ZNF526: variants seen among roughly 807,000 people sequenced by gnomAD.
ZNF526 encodes zinc finger protein 526.
A neutral mutation model predicts 32.4 loss-of-function variants in ZNF526; 16 were observed. The ratio of observed to expected loss-of-function variants is 0.49; its 90% CI spans 0.33 to 0.75. The LOEUF (loss-of-function observed/expected upper bound fraction) is 0.75, where lower values mean the gene tolerates loss of function less well. ZNF526 is among the 30% of genes least tolerant of loss of function. ZNF526 has a pLI of 0.02. For missense variants in ZNF526, 838 were observed against 920.7 expected (o/e 0.91, Z 1.16); for synonymous variants, 355 against 363.4 (o/e 0.98, Z 0.26).
At position 42,225,457 on chromosome 19, in the gene ZNF526, C is replaced by T. The variant is rs925921969; in HGVS notation, c.1054C>T (p.Arg352Trp). The stretch of plus-strand genomic sequence containing the variant: ...AGCAGCATCGCTTGAGCAGCACTTG[C>T]GGCTGCATCGCGGGGAAGCCCGCTA... ...KKAASLEQHLRLHRGEARYLC... is the reference protein window; with the variant it reads ...KKAASLEQHLWLHRGEARYLC... Residue 352 changes from arginine (R) to tryptophan (W), a missense_variant, in exon 3 of 3, where the codon CGG becomes TGG. Arg to Trp is a moderately radical substitution (Grantham distance 101, BLOSUM62 -3). Coordinates refer to ENST00000301215, the MANE Select transcript of ZNF526 (RefSeq NM_133444.3). 7.4e-6 allele frequency: 12 copies of T among 1,614,044 alleles called. No homozygotes were observed. Among genetic ancestry groups the T allele is most frequent in the East Asian group, 2.2e-5 (1 of 44,904 alleles).
chr19:42,223,600 C>T (rs2036142530), intron 1 of ZNF526, among the ~76,000 whole-genome samples: 1 of 152,008 alleles, frequency 6.6e-6, no homozygotes, highest in Non-Finnish European at 1.5e-5. Flanking sequence ...GAGATTGCAC[C>T]ACTGCACTCC....
chr19:42,223,815 CAAAAAAAAAAAAAA>C (rs962041845), intron 1 of ZNF526, among the ~76,000 whole-genome samples: 1 of 32,926 alleles, frequency 3.0e-5, no homozygotes, highest in South Asian at 1.3e-3. Context: ...GAGTCCATCT[CAAAAAAAAAAAAAA>C]AAAAAAAAAG....
Position 42,225,264 on chromosome 19 carries a change from T to C in ZNF526, c.861T>C (p.Ala287=). The C allele has an allele frequency of 6.2e-7, 1 of 1,613,534 alleles. No individual in the cohort carries two copies. The highest frequency in any genetic ancestry group is 8.5e-7 in the Non-Finnish European group (1 of 1,179,644). The stretch of plus-strand genomic sequence containing the variant: ...CCCAGCACCAGCCCTCAGCAGGGGC[T>C]CGCCGGCAACACCGGCGGACGGCTC... ...DCPQHQPSAG[A]RRQHRRTAHS... is the part of the protein sequence containing the mutation. Residue 287 remains alanine (A), a synonymous_variant, in exon 3 of 3, where the codon GCT becomes GCC. Transcript: ENST00000301215.
In ZNF526 at chr19:42,224,374, C is replaced by T. The variant is rs200040424; in HGVS notation, c.-17-13C>T. ...TCCTGCTGTCTCACTGGCTCCTGCC[C>T]CTCTTTCTCCAGGCACTGCCTTCCC... On this transcript the variant is annotated splice_polypyrimidine_tract_variant and intron_variant, in intron 2 of 2. Transcript: ENST00000301215. The T allele has an allele frequency of 1.3e-4, 216 of 1,607,430 alleles. 1 individual carries two copies. Among genetic ancestry groups the T allele is most frequent in the Non-Finnish European group, 1.7e-4 (203 of 1,174,130 alleles).
Position 42,225,005 on chromosome 19 carries a change from A to C in ZNF526, c.602A>C (p.Glu201Ala). ...AAGATGGAGCCCTATGAGTGTCCTGAGTGCTCTACCCTCTGCGCCACCCCT... is the reference window on the plus strand; with the variant it reads ...AAGATGGAGCCCTATGAGTGTCCTGCGTGCTCTACCCTCTGCGCCACCCCT... ...EVKMEPYECPECSTLCATPEE... is the reference protein window; with the variant it reads ...EVKMEPYECPACSTLCATPEE... The change falls in exon 3 of 3, where the codon GAG (glutamate) becomes GCG (alanine). Residue 201 changes from glutamate (E) to alanine (A), a missense_variant. Coordinates refer to ENST00000301215, the MANE Select transcript of ZNF526 (RefSeq NM_133444.3). 6.2e-7 allele frequency: 1 copy of C among 1,614,162 alleles called. No homozygotes were observed. The highest frequency in any genetic ancestry group is 8.5e-7 in the Non-Finnish European group (1 of 1,180,028).
chr19:42,224,431 G>A lies in ZNF526; in HGVS notation c.28G>A (p.Glu10Lys), dbSNP rs1344830824. 8.1e-6 allele frequency: 13 copies of A among 1,614,120 alleles called. No individual in the cohort carries two copies. Among genetic ancestry groups the A allele is most frequent in the East Asian group, 2.2e-5 (1 of 44,884 alleles). The change falls in exon 3 of 3, where the codon GAG becomes AAG. Residue 10 changes from glutamate (E) to lysine (K), a missense_variant. Transcript: ENST00000301215. ...GGCAGAGGTGGTGGCTGAGGTGGCC[G>A]AGATGCCAACACAGATGTCACCAGG... MAEVVAEVA[E>K]MPTQMSPGAV...
In ZNF526 at chr19:42,225,687, G is replaced by GCCCCCCCCCCCCCCCCCCC; in HGVS notation, c.1287_1288insCCCCCCCCCCCCCCCCCCC (p.Thr430ProfsTer46). On this transcript the variant is annotated frameshift_variant, in exon 3 of 3. Coordinates refer to ENST00000301215, the MANE Select transcript of ZNF526 (RefSeq NM_133444.3). LOFTEE classifies it high-confidence loss of function. ...CAACAGCTCCCCCAGCTCCAGCGGAGCCCACCCCTCCACCACCACCCCCTG... is the reference window on the plus strand; with the variant it reads ...CAACAGCTCCCCCAGCTCCAGCGGAGCCCCCCCCCCCCCCCCCCCCCCACCCCTCCACCACCACCCCCTG... The GCCCCCCCCCCCCCCCCCCC allele has an allele frequency of 6.2e-7, 1 of 1,610,644 alleles. No individual in the cohort carries two copies. Among genetic ancestry groups the GCCCCCCCCCCCCCCCCCCC allele is most frequent in the Non-Finnish European group, 8.5e-7 (1 of 1,178,352 alleles).
intron 1 of ZNF526, among the ~76,000 whole-genome samples, chr19:42,223,497 C>G (rs866578888): frequency 6.6e-6 from 1 of 152,046 alleles, no homozygotes; most frequent in Admixed American, 6.6e-5. Flanking sequence ...AAAAATTAGC[C>G]GGGCGTGGTT....
At chr19:42,223,550 A>G (rs1568461588) in intron 1 of ZNF526, among the ~76,000 whole-genome samples, 1 of 152,196 alleles carries the variant, frequency 6.6e-6, no homozygotes, top group Non-Finnish European at 1.5e-5. Flanking sequence ...CTGAGCCAGG[A>G]GAATGGCCTG....
In ZNF526 at chr19:42,225,991, T is replaced by A; in HGVS notation, c.1588T>A (p.Cys530Ser). 1 of 1,613,920 alleles carries A rather than the reference T, an allele frequency of 6.2e-7. No individual in the cohort carries two copies. The highest frequency in any genetic ancestry group is 8.5e-7 in the Non-Finnish European group (1 of 1,180,024). The part of the protein sequence containing the change: ...LTHTGARPYQ[C>S]LDCGKRFTQS... ...CCATACGGGTGCACGTCCCTACCAA[T>A]GCCTGGACTGTGGCAAGCGCTTCAC... Residue 530 changes from cysteine (C) to serine (S), a missense_variant, in exon 3 of 3, where the codon TGC becomes AGC. Cys to Ser is a moderately radical substitution (Grantham distance 112). Coordinates refer to ENST00000301215, the MANE Select transcript of ZNF526 (RefSeq NM_133444.3).
In ZNF526 at chr19:42,225,847, A is replaced by G. The variant is rs1455688275; in HGVS notation, c.1444A>G (p.Lys482Glu). Residue 482 changes from lysine (K) to glutamate (E), a missense_variant, in exon 3 of 3, where the codon AAG (lysine) becomes GAG (glutamate). Physicochemically the swap from Lys to Glu is moderately conservative, Grantham distance 56. Coordinates refer to ENST00000301215, the MANE Select transcript of ZNF526 (RefSeq NM_133444.3). ...CTGTGGGGTTTGTGGCAAGGGCTTCAAGAAGCTGATCCACGTGCGCAACCA... is the reference window on the plus strand; with the variant it reads ...CTGTGGGGTTTGTGGCAAGGGCTTCGAGAAGCTGATCCACGTGCGCAACCA... ...HRCGVCGKGF[K>E]KLIHVRNHLR... 6.2e-7 allele frequency: 1 copy of G among 1,614,042 alleles called. No homozygotes were observed. Among genetic ancestry groups the G allele is most frequent in the Non-Finnish European group, 8.5e-7 (1 of 1,180,042 alleles).
Position 42,226,159 on chromosome 19 carries a change from G to A in ZNF526, c.1756G>A (p.Ala586Thr), listed in dbSNP as rs1338930213. ...TTGTGGCCGCTGGTTCCGCGCCATG[G>A]CGGGCTTGCGACTGCATCAGCGGGT... is the stretch of plus-strand genomic sequence containing the variant. ...GTCGRWFRAM[A>T]GLRLHQRVHA... The change falls in exon 3 of 3, where the codon GCG (alanine) becomes ACG (threonine). Residue 586 changes from alanine to threonine, a missense_variant. Ala to Thr is a moderately conservative substitution (Grantham distance 58). Transcript: ENST00000301215. 1 of 1,607,440 alleles carries A rather than the reference G, an allele frequency of 6.2e-7. No homozygotes were observed. Among genetic ancestry groups the A allele is most frequent in the East Asian group, 2.2e-5 (1 of 44,878 alleles).
intron 1 of ZNF526, among the ~76,000 whole-genome samples, chr19:42,221,534 G>C (rs537768706): frequency 2.6e-5 from 4 of 152,100 alleles, no homozygotes; most frequent in African/African-American, 4.8e-5. Context: ...TCAGGTGACC[G>C]AGGCGGGAGA....
rs188222861 is a variant in ZNF526, at chr19:42,227,154, T to A, written c.*738T>A. On this transcript the variant is annotated 3_prime_UTR_variant, in exon 3 of 3. Transcript: ENST00000301215. Reference sequence around the variant, plus strand: ...AGATGAGTCAGGCCTAAGGCTTCTCTGGGCTGTGATGGGGATGTGCAGGGA... The same window carrying A: ...AGATGAGTCAGGCCTAAGGCTTCTCAGGGCTGTGATGGGGATGTGCAGGGA... 3.0e-3 allele frequency: 510 copies of A among 170,444 alleles called. 5 individuals are homozygous for A. Among genetic ancestry groups the A allele is most frequent in the African/African-American group, 0.012 (493 of 41,564 alleles). The allele number at this position is 170,444 out of a possible 1,614,324, so 10.6% of individuals were successfully genotyped here.
In ZNF526 at chr19:42,225,251, C is replaced by A. The variant is rs1440746071; in HGVS notation, c.848C>A (p.Pro283His). Residue 283 changes from proline (P) to histidine (H), a missense_variant, in exon 3 of 3, where the codon CCC (proline) becomes CAC (histidine). Transcript: ENST00000301215. The part of the protein sequence containing the change: ...QGCGDCPQHQ[P>H]SAGARRQHRR... Reference sequence around the variant, plus strand: ...TGCGGGGACTGTCCCCAGCACCAGCCCTCAGCAGGGGCTCGCCGGCAACAC... The same window carrying A: ...TGCGGGGACTGTCCCCAGCACCAGCACTCAGCAGGGGCTCGCCGGCAACAC... 1 of 1,613,956 alleles carries A rather than the reference C, an allele frequency of 6.2e-7. No individual in the cohort carries two copies. The highest frequency in any genetic ancestry group is 1.1e-5 in the South Asian group (1 of 91,082).
rs942993398 is a variant in ZNF526 at position 42,226,486 on chromosome 19, ACCT to A, written c.*75_*77del. 90 of 1,605,616 alleles carry A rather than the reference ACCT, an allele frequency of 5.6e-5. No individual in the cohort carries two copies. Among genetic ancestry groups the A allele is most frequent in the Non-Finnish European group, 6.8e-5 (80 of 1,173,912 alleles). On this transcript the variant is annotated 3_prime_UTR_variant, in exon 3 of 3. Coordinates refer to ENST00000301215, the MANE Select transcript of ZNF526 (RefSeq NM_133444.3). Reference sequence around the variant, plus strand: ...GTGTGGGTACCTCTGGGGAGAGAGGACCTCCTCTGACAAACTGGTCTGGTACCC... The same window carrying A: ...GTGTGGGTACCTCTGGGGAGAGAGGACCTCTGACAAACTGGTCTGGTACCC...
At position 42,224,885 on chromosome 19, in the gene ZNF526, C is replaced by G; in HGVS notation, c.482C>G (p.Ala161Gly). 3 of 1,614,136 alleles carry G rather than the reference C, an allele frequency of 1.9e-6. No homozygotes were observed. Among genetic ancestry groups the G allele is most frequent in the African/African-American group, 1.3e-5 (1 of 75,036 alleles). Reference sequence around the variant, plus strand: ...GAGCTGTGGGTGGCTCATCGAAAGGCCCAGCACCTTTCTGCTACGGTAGCT... The same window carrying G: ...GAGCTGTGGGTGGCTCATCGAAAGGGCCAGCACCTTTCTGCTACGGTAGCT... ...SPELWVAHRK[A>G]QHLSATVAEP... The change falls in exon 3 of 3, where the codon GCC becomes GGC. Residue 161 changes from alanine (A) to glycine (G), a missense_variant. Coordinates refer to ENST00000301215, the MANE Select transcript of ZNF526 (RefSeq NM_133444.3).
rs1401944628 is a variant in ZNF526, at chr19:42,225,503, G to A, written c.1100G>A (p.Arg367His). ...CGCTACCTCTGTGTAGACTGTGGCC[G>A]CGGCTTTGGCACAGAACTCACGTTG... ...EARYLCVDCG[R>H]GFGTELTLVA... The change falls in exon 3 of 3, where the codon CGC becomes CAC. Residue 367 changes from arginine to histidine, a missense_variant. Transcript: ENST00000301215. 1.3e-5 allele frequency: 21 copies of A among 1,613,884 alleles called. No individual in the cohort carries two copies. The highest frequency in any genetic ancestry group is 3.3e-5 in the Admixed American group (2 of 60,016).
rs759089271 is a variant in ZNF526, at chr19:42,224,736, T to C, written c.333T>C (p.Gly111=). The C allele has an allele frequency of 3.1e-6, 5 of 1,613,992 alleles. No individual in the cohort carries two copies. The change falls in exon 3 of 3, where the codon GGT becomes GGC. Residue 111 remains glycine, a synonymous_variant. Transcript: ENST00000301215. ...VPGAEGPFQC[G]ECSQLILSPG... ...GTGCTGAGGGGCCCTTCCAGTGTGG[T>C]GAATGCAGCCAGCTCATCCTCTCCC...
Sources: gnomAD v4.1 joint callset for allele counts (sites outside exome capture counted in the v4.1 genomes callset) on GRCh38, gnomAD v4.1.1 for gene constraint, MANE v1.5 for transcripts, NCBI Gene and HGNC (gene_info 2026-07-23, HGNC 2026-07-21) for gene names.